The following SKIC3 variants were observed in gnomAD, a reference collection of about 807,000 sequenced individuals.
SKIC3 encodes the protein superkiller complex protein 3.
At chr5:95,541,851 G>C in the SKIC3 span, 1 of 1,612,914 alleles carries the variant, frequency 6.2e-7, no homozygotes, top group African/African-American at 1.3e-5. Context: ...GTAAACACCA[G>C]GCAAGTCATC....
the SKIC3 span, chr5:95,514,998 T>G: frequency 7.0e-7 from 1 of 1,429,524 alleles, no homozygotes; most frequent in African/African-American, 1.4e-5. Flanking sequence ...TTAAAAAGCA[T>G]AAAATAAGTC....
At chr5:95,509,358 G>GA in the SKIC3 span, among the ~76,000 whole-genome samples, 1 of 151,676 alleles carries the variant, frequency 6.6e-6, no homozygotes, top group Non-Finnish European at 1.5e-5. Flanking sequence ...AAGGAAAAAA[G>GA]AAAAAAAACC....
chr5:95,492,652 G>GAAAA, the SKIC3 span, among the ~76,000 whole-genome samples: 13 of 48,842 alleles, frequency 2.7e-4, 1 homozygote, highest in Non-Finnish European at 3.1e-4. Context: ...AAAAAAAAAA[G>GAAAA]AAAAAAAAAA....
the SKIC3 span, chr5:95,523,520 C>G: frequency 1.6e-6 from 2 of 1,244,614 alleles, no homozygotes; most frequent in Non-Finnish European, 2.2e-6. Context: ...ACTTCACTTA[C>G]AGAGGCAAAA....
At chr5:95,549,337 GTAAA>G in the SKIC3 span, among the ~76,000 whole-genome samples, 1 of 151,988 alleles carries the variant, frequency 6.6e-6, no homozygotes, top group Non-Finnish European at 1.5e-5. Flanking sequence ...GGTTGGGTAG[GTAAA>G]TAGAGCCTCA....
chr5:95,554,951 C>G, the SKIC3 span: 1 of 248,472 alleles, frequency 4.0e-6, no homozygotes, highest in African/African-American at 2.3e-5. Flanking sequence ...GCAGATGCTC[C>G]TCTTCTACAA....
chr5:95,464,149 A>G, the SKIC3 span: 37,991 of 159,928 alleles, frequency 0.24, 5,917 homozygotes, highest in African/African-American at 0.44. Flanking sequence ...TTTATGATGA[A>G]TTGGTTTGCC....
the SKIC3 span, among the ~76,000 whole-genome samples, chr5:95,508,822 A>G: frequency 6.6e-6 from 1 of 152,208 alleles, no homozygotes; most frequent in African/African-American, 2.4e-5. Flanking sequence ...TAGTCAAAAA[A>G]TATTTATTAA....
the SKIC3 span, among the ~76,000 whole-genome samples, chr5:95,552,365 T>C: frequency 6.6e-6 from 1 of 152,224 alleles, no homozygotes; most frequent in Admixed American, 6.5e-5. Flanking sequence ...TATTATCCTA[T>C]ATAGACATAA....
chr5:95,518,467 C>T, the SKIC3 span, among the ~76,000 whole-genome samples: 3 of 152,000 alleles, frequency 2.0e-5, no homozygotes, highest in African/African-American at 2.4e-5. Flanking sequence ...TTTCCCCCTA[C>T]CCTTCCCAGC....
chr5:95,491,155 T>C, the SKIC3 span: 3 of 1,418,614 alleles, frequency 2.1e-6, no homozygotes, highest in East Asian at 7.6e-5. Flanking sequence ...AAAAAAAATT[T>C]CACTTTCTCA....
chr5:95,516,441 A>C, the SKIC3 span: 1 of 1,612,786 alleles, frequency 6.2e-7, no homozygotes, highest in East Asian at 2.2e-5. Flanking sequence ...TTCTTAAAAT[A>C]GGCCCCTTGT....
At chr5:95,469,690 C>T in the SKIC3 span, 7 of 1,584,956 alleles carry the variant, frequency 4.4e-6, no homozygotes, top group African/African-American at 6.7e-5. Context: ...CTGTTACAAA[C>T]TTTAAAGTTT....
chr5:95,485,093 T>G, the SKIC3 span, among the ~76,000 whole-genome samples: 1 of 152,132 alleles, frequency 6.6e-6, no homozygotes, highest in Non-Finnish European at 1.5e-5. Context: ...AAAAATAAAA[T>G]AATTTGCTGA....
the SKIC3 span, chr5:95,528,810 T>C: frequency 1.6e-3 from 934 of 594,636 alleles, 9 homozygotes; most frequent in African/African-American, 0.016. Context: ...ACATTCATTG[T>C]CAGTTTAAAA....
the SKIC3 span, chr5:95,536,496 G>T: frequency 3.2e-6 from 1 of 311,854 alleles, no homozygotes; most frequent in Non-Finnish European, 6.0e-6. Flanking sequence ...CTCTGCTCAT[G>T]CCAGCTGGAA....
the SKIC3 span, among the ~76,000 whole-genome samples, chr5:95,552,674 T>G: frequency 1.0e-3 from 157 of 152,134 alleles, no homozygotes; most frequent in Admixed American, 0.01. Flanking sequence ...GAGGAGAGCA[T>G]GCAGGAGTGA....
the SKIC3 span, among the ~76,000 whole-genome samples, chr5:95,504,791 A>C: frequency 6.6e-6 from 1 of 152,152 alleles, no homozygotes; most frequent in Non-Finnish European, 1.5e-5. Context: ...ACTTGAGGTC[A>C]GGAGTTCAAG....
the SKIC3 span, chr5:95,464,644 C>A: frequency 6.2e-7 from 1 of 1,613,504 alleles, no homozygotes; most frequent in South Asian, 1.1e-5. Context: ...TTCCAATGCT[C>A]TTGTATCTCC....
Sources: allele counts gnomAD v4.1 joint callset (sites outside exome capture counted in the v4.1 genomes callset), GRCh38; gene constraint gnomAD v4.1.1; transcripts MANE v1.5; gene names NCBI Gene and HGNC (gene_info 2026-07-23, HGNC 2026-07-21).